Variants in FANCI observed in about 807,000 individuals in gnomAD.
FANCI encodes FA complementation group I, also known as Fanconi anemia group I protein.
Under a neutral mutation model 176.1 loss-of-function variants are expected in FANCI, and 156 were observed. That is an observed-to-expected ratio of 0.89 (90% confidence interval 0.78 to 1.01). The LOEUF is 1.01. Among genes scored for constraint, FANCI ranks in the 50% least tolerant of loss-of-function variants. FANCI has a pLI of 0.00. For missense variants in FANCI, 1,678 were observed against 1,534.1 expected, an observed-to-expected ratio of 1.09 and a Z score of -1.57; for synonymous variants, 613 against 541.7, an observed-to-expected ratio of 1.13 and a Z score of -1.83.
In FANCI at chr15:89,317,095, A is replaced by C; in HGVS notation, c.*636A>C. On this transcript the variant is annotated 3_prime_UTR_variant, in exon 38 of 38. Coordinates refer to ENST00000310775, the MANE Select transcript of FANCI (RefSeq NM_001113378.2). The stretch of plus-strand genomic sequence containing the variant: ...GTTTTTCTGTCACCTATAGAGTGCA[A>C]GAATGCACTCTATAGAATAAATTAT... 1.7e-6 allele frequency: 1 copy of C among 592,034 alleles called. No individual in the cohort carries two copies. The highest frequency in any genetic ancestry group is 2.0e-5 in the South Asian group (1 of 49,400). The allele number at this position is 592,034 out of a possible 1,614,324, so 36.7% of individuals were successfully genotyped here. A position where few individuals can be genotyped will look rare whatever the true frequency, so the allele number is the denominator to read the frequency against.
In FANCI at chr15:89,276,831, T is replaced by C; in HGVS notation, c.1233T>C (p.Ser411=). Residue 411 remains serine (S), a synonymous_variant, in exon 13 of 38, where the codon TCT becomes TCC. Coordinates refer to ENST00000310775, the MANE Select transcript of FANCI (RefSeq NM_001113378.2). ...CTATTGAAACCAGCCCAAGTCTTTC[T>C]AGAATGCCAAACCAGCATGCATGTA... ...GKTIETSPSL[S]RMPNQHACKL... 1 of 1,614,190 alleles carries C rather than the reference T, an allele frequency of 6.2e-7. No homozygotes were observed. The highest frequency in any genetic ancestry group is 8.5e-7 in the Non-Finnish European group (1 of 1,180,028).
chr15:89,256,472 AAGAG>A lies in FANCI; in HGVS notation c.85-2227_85-2224del, dbSNP rs139670638. Among the ~76,000 whole-genome samples the A allele has an allele frequency of 3.3e-5, 5 of 152,334 alleles. No homozygotes were observed. In the East Asian group the frequency reaches 9.6e-4, roughly 29 times the overall value. On this transcript the variant is annotated intron_variant, in intron 2 of 37. Coordinates refer to ENST00000310775, the MANE Select transcript of FANCI (RefSeq NM_001113378.2). Reference sequence around the variant, plus strand: ...AAACACCAGCCTCATGTACTTGTGGAAGAGAGAGTTTATTGTTTTATTAGTCTTG... The same window carrying A: ...AAACACCAGCCTCATGTACTTGTGGAAGAGTTTATTGTTTTATTAGTCTTG...
chr15:89,314,529 A>G (rs2055122809), intron 35 of FANCI, 83 bp from the exon 36 acceptor site: 2 of 995,072 alleles, frequency 2.0e-6, no homozygotes, highest in Non-Finnish European at 1.6e-6. Flanking sequence ...CTAAAGCCAT[A>G]CAGTTTTGTA....
intron 10 of FANCI, among the ~76,000 whole-genome samples, chr15:89,272,237 C>G (rs1225562665): frequency 6.6e-6 from 1 of 152,150 alleles, no homozygotes; most frequent in Non-Finnish European, 1.5e-5. Flanking sequence ...ATTAACTGTT[C>G]TAATACCTTC....
At chr15:89,278,845 C>T (rs2053502936) in intron 14 of FANCI, 71 bp downstream of exon 14, 1 of 1,329,414 alleles carries the variant, frequency 7.5e-7, no homozygotes, top group Non-Finnish European at 1.1e-6. Context: ...TCATTTGGTC[C>T]TGGGAAAAAA....
At chr15:89,265,458 C>T (rs189772177) in intron 9 of FANCI, among the ~76,000 whole-genome samples, 3 of 152,190 alleles carry the variant, frequency 2.0e-5, no homozygotes, top group Non-Finnish European at 4.4e-5. Flanking sequence ...TCACCCTCCT[C>T]GGTCTCTCAA....
At position 89,297,354 on chromosome 15, in the gene FANCI, G is replaced by A. The variant is rs1272384653; in HGVS notation, c.2636+2260G>A. On this transcript the variant is annotated intron_variant, in intron 24 of 37. Coordinates refer to ENST00000310775, the MANE Select transcript of FANCI (RefSeq NM_001113378.2). ...CAGAGACGCTCCTCACTTCCCAGAC[G>A]GGGTGGCGGCTGGGCAGAGGCTGCA... is the stretch of plus-strand genomic sequence containing the variant. Among the ~76,000 whole-genome samples the A allele has an allele frequency of 7.8e-4, 118 of 152,062 alleles. 3 individuals are homozygous for A. Among genetic ancestry groups the A allele is most frequent in the Non-Finnish European group, 2.5e-4 (17 of 68,002 alleles).
At chr15:89,270,839 C>T (rs1287625514) in intron 10 of FANCI, among the ~76,000 whole-genome samples, 2 of 152,152 alleles carry the variant, frequency 1.3e-5, no homozygotes, top group African/African-American at 4.8e-5. Context: ...CCAAGGCTCA[C>T]CATAGTACTT....
intron 28 of FANCI, among the ~76,000 whole-genome samples, chr15:89,304,179 ACT>A (rs912953837): frequency 2.0e-5 from 3 of 152,216 alleles, no homozygotes; most frequent in African/African-American, 7.2e-5. Flanking sequence ...TATGCCTATG[ACT>A]CAACAATTCG....
intron 31 of FANCI, 147 bp from the exon 32 acceptor site, chr15:89,305,860 T>C (rs982157425): frequency 1.9e-6 from 2 of 1,054,112 alleles, no homozygotes; most frequent in Non-Finnish European, 2.9e-6. Flanking sequence ...ATATGTCTTA[T>C]CACAGCACGA....
In FANCI at chr15:89,312,193, C is replaced by G. The variant is rs2054990813; in HGVS notation, c.3652-711C>G. Among the ~76,000 whole-genome samples, 4 of 152,156 alleles carry G rather than the reference C, an allele frequency of 2.6e-5. No homozygotes were observed. In the South Asian group the frequency reaches 8.3e-4, roughly 32 times the overall value. ...CAGGGCCCTGCAGCAGCCTCCTCAG[C>G]TTCCTCTCCTTTATGGGATCCTTCT... On this transcript the variant is annotated intron_variant, in intron 34 of 37. Coordinates refer to ENST00000310775, the MANE Select transcript of FANCI (RefSeq NM_001113378.2).
At chr15:89,245,199 T>G (rs2051898456) in intron 1 of FANCI, 1 of 149,094 alleles carries the variant, frequency 6.7e-6, no homozygotes, top group Admixed American at 6.7e-5. Context: ...AGACAGAGTC[T>G]CCCTCTGTTG....
chr15:89,257,055 C>T (rs1474765743), intron 2 of FANCI, among the ~76,000 whole-genome samples: 4 of 152,034 alleles, frequency 2.6e-5, no homozygotes, highest in East Asian at 1.9e-4. Flanking sequence ...TACAGGTGCC[C>T]GCCACCACGC....
intron 9 of FANCI, among the ~76,000 whole-genome samples, chr15:89,267,556 G>A (rs1170108062): frequency 6.6e-6 from 1 of 151,970 alleles, no homozygotes; most frequent in Non-Finnish European, 1.5e-5. Context: ...TGATTGAATT[G>A]GATTGTACTG....
At chr15:89,287,407 C>T (rs1369331925) in intron 18 of FANCI, among the ~76,000 whole-genome samples, 3 of 152,200 alleles carry the variant, frequency 2.0e-5, no homozygotes, top group Non-Finnish European at 4.4e-5. Context: ...GGTCCTTGCT[C>T]TGGATTAGGC....
At chr15:89,302,289 G>T (rs747183679) in intron 27 of FANCI, among the ~76,000 whole-genome samples, 1 of 152,152 alleles carries the variant, frequency 6.6e-6, no homozygotes, top group Non-Finnish European at 1.5e-5. Flanking sequence ...TTTGCCCAAA[G>T]AAAGTCCCTT....
chr15:89,283,094 G>A, intron 16 of FANCI, 42 bp from the exon 17 acceptor site: 1 of 1,603,276 alleles, frequency 6.2e-7, no homozygotes, highest in Middle Eastern at 1.7e-4. Context: ...GCATATTCCT[G>A]TGAAATAGTA....
At chr15:89,254,838 A>G (rs1333753993) in intron 2 of FANCI, among the ~76,000 whole-genome samples, 3 of 152,182 alleles carry the variant, frequency 2.0e-5, no homozygotes, top group Non-Finnish European at 4.4e-5. Context: ...GTAAATGAAT[A>G]CATGGGTAGA....
intron 16 of FANCI, 160 bp from the exon 17 acceptor site, chr15:89,282,976 C>T (rs1596287356): frequency 2.7e-6 from 2 of 729,214 alleles, no homozygotes; most frequent in East Asian, 5.5e-5. Context: ...CTTTGAACAG[C>T]TGATACCTTA....
Sources: gnomAD v4.1 joint callset for allele counts (sites outside exome capture counted in the v4.1 genomes callset) on GRCh38, gnomAD v4.1.1 for gene constraint, MANE v1.5 for transcripts, NCBI Gene and HGNC (gene_info 2026-07-23, HGNC 2026-07-21) for gene names.